DCC: variants seen among roughly 807,000 people sequenced by gnomAD.
DCC encodes the protein netrin receptor DCC.
In DCC, 58 loss-of-function variants were observed where a neutral mutation model predicts 172.5. The observed-to-expected ratio is 0.34, with a 90% confidence interval of 0.27 to 0.42. The LOEUF (loss-of-function observed/expected upper bound fraction) is 0.42, where lower values mean the gene tolerates loss of function less well. Among genes scored for constraint, DCC ranks in the 10% least tolerant of loss-of-function variants. The probability of loss-of-function intolerance (pLI) is 1.00; values close to 1 mark genes in which losing one functional copy is unlikely to be tolerated. For missense variants in DCC, 1,740 were observed against 1,791.0 expected (o/e 0.97, Z 0.51); for synonymous variants, 709 against 644.5 (o/e 1.10, Z -1.52).
intron 15 of DCC, among the ~76,000 whole-genome samples, chr18:53,353,811 G>T (rs1228233244): frequency 6.6e-6 from 1 of 151,798 alleles, no homozygotes; most frequent in Non-Finnish European, 1.5e-5. Context: ...GGGTACATGT[G>T]CACAACGTGC....
intron 9 of DCC, among the ~76,000 whole-genome samples, chr18:53,195,660 A>G (rs1381345585): frequency 6.6e-6 from 1 of 152,124 alleles, no homozygotes. Flanking sequence ...CATGTCAAGT[A>G]TGTTACCCAT....
chr18:53,350,091 T>C (rs2057772329), intron 15 of DCC, among the ~76,000 whole-genome samples: 1 of 152,150 alleles, frequency 6.6e-6, no homozygotes, highest in Admixed American at 6.6e-5. Context: ...AAACAGATTA[T>C]ATATAAATAT....
intron 1 of DCC, among the ~76,000 whole-genome samples, chr18:52,576,671 T>C (rs1414787974): frequency 6.6e-6 from 1 of 151,304 alleles, no homozygotes; most frequent in Non-Finnish European, 1.5e-5. Flanking sequence ...TTACGAAAAA[T>C]ACAAAAAAAT....
chr18:53,245,095 C>A (rs533112402), intron 12 of DCC, among the ~76,000 whole-genome samples: 1 of 152,056 alleles, frequency 6.6e-6, no homozygotes, highest in Non-Finnish European at 1.5e-5. Context: ...GCCAGAAATA[C>A]CATCTTACTA....
chr18:53,027,808 G>A (rs535615845), intron 5 of DCC, among the ~76,000 whole-genome samples: 3 of 151,210 alleles, frequency 2.0e-5, no homozygotes, highest in Non-Finnish European at 4.4e-5. Context: ...TAGTTTTGAC[G>A]CACGTCAAGA....
At chr18:53,049,399 A>G (rs966066762) in intron 5 of DCC, among the ~76,000 whole-genome samples, 2 of 152,166 alleles carry the variant, frequency 1.3e-5, no homozygotes. Context: ...AATCTTCTGC[A>G]TATGGCTAGG....
rs117733220 is a variant in DCC at position 53,289,308 on chromosome 18, G to A, written c.1912-16270G>A. Reference sequence around the variant, plus strand: ...CATGGAATCACACGAATAGGAGACAGCAATAGTAAGCAAAGACTGGGTAAT... The same window carrying A: ...CATGGAATCACACGAATAGGAGACAACAATAGTAAGCAAAGACTGGGTAAT... On this transcript the variant is annotated intron_variant, in intron 12 of 28. Coordinates refer to ENST00000442544, the MANE Select transcript of DCC (RefSeq NM_005215.4). 2.1e-3 allele frequency among the ~76,000 whole-genome samples: 321 copies of A among 152,238 alleles called. 1 individual carries two copies. The highest frequency in any genetic ancestry group is 3.7e-3 in the Non-Finnish European group (249 of 67,992).
chr18:53,504,052 G>A (rs374851443), intron 27 of DCC, among the ~76,000 whole-genome samples: 7 of 152,294 alleles, frequency 4.6e-5, no homozygotes, highest in African/African-American at 1.7e-4. Context: ...AGACAAGGAG[G>A]GGGTGGAGGT....
chr18:52,913,565 C>G (rs151078942), intron 3 of DCC, among the ~76,000 whole-genome samples: 3 of 151,928 alleles, frequency 2.0e-5, no homozygotes, highest in Non-Finnish European at 2.9e-5. Context: ...ATTCTCTTAG[C>G]TACTATTCCC....
At chr18:52,419,864 T>C (rs1206990526) in intron 1 of DCC, among the ~76,000 whole-genome samples, 1 of 152,148 alleles carries the variant, frequency 6.6e-6, no homozygotes, top group Non-Finnish European at 1.5e-5. Flanking sequence ...TAAGAACATA[T>C]ACATACCATA....
chr18:53,307,897 G>A (rs8095437), intron 13 of DCC, among the ~76,000 whole-genome samples: 1,497 of 66,916 alleles, frequency 0.022, 114 homozygotes, highest in Non-Finnish European at 0.035. Flanking sequence ...GTGTGTGTAT[G>A]TATATATATA....
intron 1 of DCC, among the ~76,000 whole-genome samples, chr18:52,732,918 G>A (rs2145097035): frequency 6.6e-6 from 1 of 152,166 alleles, no homozygotes; most frequent in South Asian, 2.1e-4. Flanking sequence ...GTCCTGATGT[G>A]TTCATTTGAA....
chr18:52,765,370 A>G (rs1158482532), intron 2 of DCC, among the ~76,000 whole-genome samples: 1 of 151,986 alleles, frequency 6.6e-6, no homozygotes, highest in Non-Finnish European at 1.5e-5. Context: ...AACCAAATCC[A>G]TACTCATCTC....
chr18:53,464,842 G>A (rs2045599696), intron 24 of DCC, among the ~76,000 whole-genome samples: 1 of 151,778 alleles, frequency 6.6e-6, no homozygotes, highest in Admixed American at 6.6e-5. Flanking sequence ...AGCCAGACGT[G>A]GTGGTACATG....
At chr18:52,907,577 C>T (rs746645808) in intron 3 of DCC, among the ~76,000 whole-genome samples, 18 of 151,978 alleles carry the variant, frequency 1.2e-4, no homozygotes, top group Non-Finnish European at 2.1e-4. Flanking sequence ...CCACACCCGG[C>T]TAATTTTTTG....
intron 23 of DCC, among the ~76,000 whole-genome samples, chr18:53,450,981 T>C (rs1019990332): frequency 6.6e-6 from 1 of 152,218 alleles, no homozygotes; most frequent in African/African-American, 2.4e-5. Context: ...CATGCCCCTG[T>C]TTCTGGCCTT....
chr18:52,918,743 A>G (rs2040076454), intron 3 of DCC, among the ~76,000 whole-genome samples: 1 of 152,170 alleles, frequency 6.6e-6, no homozygotes, highest in Non-Finnish European at 1.5e-5. Flanking sequence ...TTGTAAATAA[A>G]GGAGAAAAAT....
At chr18:53,426,153 G>A (rs1025935279) in intron 21 of DCC, among the ~76,000 whole-genome samples, 1 of 150,708 alleles carries the variant, frequency 6.6e-6, no homozygotes. Context: ...TCTCCCTTGT[G>A]AGACATCAAG....
At chr18:52,907,007 T>A (rs2039893529) in intron 3 of DCC, among the ~76,000 whole-genome samples, 1 of 151,846 alleles carries the variant, frequency 6.6e-6, no homozygotes, top group Non-Finnish European at 1.5e-5. Context: ...GTCACAGGGA[T>A]ACTGACTTAA....
Sources: allele counts gnomAD v4.1 joint callset (sites outside exome capture counted in the v4.1 genomes callset), GRCh38; gene constraint gnomAD v4.1.1; transcripts MANE v1.5; gene names NCBI Gene and HGNC (gene_info 2026-07-23, HGNC 2026-07-21).